The following SLC12A8 variants were observed in gnomAD, a reference collection of about 807,000 sequenced individuals.
SLC12A8 encodes cation-chloride cotransporter 9.
A neutral mutation model predicts 75.6 loss-of-function variants in SLC12A8; 69 were observed. The observed-to-expected ratio is 0.91, with a 90% CI of 0.75 to 1.11. The LOEUF is 1.11. Ranked by LOEUF, SLC12A8 falls within the 50% of genes most tolerant of loss-of-function variation. The pLI is 0.00. For missense variants in SLC12A8, 877 were observed against 896.7 expected (o/e 0.98, Z 0.28); for synonymous variants, 365 against 372.8 (o/e 0.98, Z 0.24).
chr3:125,110,106 AG>A, intron 9 of SLC12A8, 82 bp downstream of exon 9: 1 of 1,415,320 alleles, frequency 7.1e-7, no homozygotes, highest in Non-Finnish European at 9.7e-7. Context: ...TGATCAGAAA[AG>A]CTTAACCAAT....
In SLC12A8 at chr3:125,091,406, G is replaced by A. The variant is rs748153890; in HGVS notation, c.1921+33C>T. The stretch of plus-strand genomic sequence containing the variant: ...TCCCAATGAATGGTAGAGAGAATGA[G>A]GGAACCAGTGGCAAAATGGCTCTGC... On this transcript the variant is annotated intron_variant, in intron 12 of 13. Coordinates refer to ENST00000469902, the MANE Select transcript of SLC12A8 (RefSeq NM_024628.6). 5.7e-5 allele frequency: 80 copies of A among 1,408,292 alleles called. 1 individual carries two copies. In the East Asian group the frequency reaches 1.8e-3, roughly 31 times the overall value. The allele number at this position is 1,408,292 out of a possible 1,614,324, so 87.2% of individuals were successfully genotyped here.
chr3:125,105,786 T>C (rs370780074), intron 10 of SLC12A8, among the ~76,000 whole-genome samples: 212 of 152,178 alleles, frequency 1.4e-3, no homozygotes, highest in African/African-American at 4.5e-3. Flanking sequence ...TTTCAGCACT[T>C]TGGGAGGCTG....
At chr3:125,102,124 G>A (rs1407408021) in intron 10 of SLC12A8, among the ~76,000 whole-genome samples, 1 of 152,170 alleles carries the variant, frequency 6.6e-6, no homozygotes, top group East Asian at 1.9e-4. Context: ...TGAATCAAAT[G>A]TTATGGTTGC....
At chr3:125,170,954 G>A (rs1246352165) in intron 5 of SLC12A8, among the ~76,000 whole-genome samples, 6 of 152,066 alleles carry the variant, frequency 3.9e-5, no homozygotes, top group African/African-American at 1.4e-4. Context: ...AGACTGAGAA[G>A]CTATGTGCCG....
At chr3:125,201,277 G>A (rs1007503707) in intron 2 of SLC12A8, among the ~76,000 whole-genome samples, 1 of 151,754 alleles carries the variant, frequency 6.6e-6, no homozygotes, top group African/African-American at 2.4e-5. Context: ...GGTGGCATGT[G>A]CTGTGGTCCT....
chr3:125,151,849 T>A (rs1312454553), intron 5 of SLC12A8, among the ~76,000 whole-genome samples: 1 of 152,258 alleles, frequency 6.6e-6, no homozygotes, highest in African/African-American at 2.4e-5. Context: ...TTTTTCCACC[T>A]GAAAATTTGG....
intron 5 of SLC12A8, among the ~76,000 whole-genome samples, chr3:125,150,950 G>A (rs1169841445): frequency 6.6e-6 from 1 of 152,012 alleles, no homozygotes; most frequent in Non-Finnish European, 1.5e-5. Context: ...CCGGGCCTCA[G>A]GCTATTAGGA....
At chr3:125,134,883 G>T (rs1933450588) in intron 6 of SLC12A8, among the ~76,000 whole-genome samples, 1 of 152,216 alleles carries the variant, frequency 6.6e-6, no homozygotes, top group Admixed American at 6.5e-5. Flanking sequence ...ATATCCTCTG[G>T]CCATCAATAC....
intron 2 of SLC12A8, among the ~76,000 whole-genome samples, chr3:125,193,529 T>A (rs1934947852): frequency 6.6e-6 from 1 of 152,248 alleles, no homozygotes; most frequent in Non-Finnish European, 1.5e-5. Context: ...CCTTGCGTCG[T>A]GAGAGCTCTT....
chr3:125,106,982 CCT>C (rs1287737738), intron 10 of SLC12A8, among the ~76,000 whole-genome samples: 1 of 152,194 alleles, frequency 6.6e-6, no homozygotes, highest in East Asian at 1.9e-4. Context: ...GCTCTATAAG[CCT>C]CTCTGTGAGT....
intron 2 of SLC12A8, 66 bp from the exon 3 acceptor site, chr3:125,190,587 G>A (rs1336023314): frequency 6.4e-6 from 10 of 1,567,698 alleles, no homozygotes; most frequent in Non-Finnish European, 8.7e-6. Context: ...GCATGAGAGT[G>A]GAACAGGAGG....
intron 8 of SLC12A8, among the ~76,000 whole-genome samples, chr3:125,114,170 A>G (rs113272818): frequency 9.5e-4 from 145 of 152,240 alleles, no homozygotes; most frequent in African/African-American, 3.2e-3. Flanking sequence ...GCCATTTTCC[A>G]TAATGAGACC....
intron 6 of SLC12A8, among the ~76,000 whole-genome samples, chr3:125,134,820 G>A (rs1933448711): frequency 6.6e-6 from 1 of 152,160 alleles, no homozygotes; most frequent in Non-Finnish European, 1.5e-5. Context: ...TAAGGAAATG[G>A]CCATATGTAG....
chr3:125,183,510 G>A (rs752864910), intron 4 of SLC12A8, among the ~76,000 whole-genome samples: 5 of 152,020 alleles, frequency 3.3e-5, no homozygotes, highest in Non-Finnish European at 5.9e-5. Flanking sequence ...GAGGACCAGC[G>A]CTGCCCCTCA....
chr3:125,195,861 C>T lies in SLC12A8; in HGVS notation c.52-5340G>A, dbSNP rs115749714. 9.6e-3 allele frequency among the ~76,000 whole-genome samples: 1,458 copies of T among 152,322 alleles called. 12 individuals carry two copies. Among genetic ancestry groups the T allele is most frequent in the Non-Finnish European group, 0.013 (862 of 68,042 alleles). On this transcript the variant is annotated intron_variant, in intron 2 of 13. Transcript: ENST00000469902. ...CATGTCAAGGCCACCTAAACAAGGG[C>T]TTCCTCTGCCCTTCCCAACCTCCTT...
chr3:125,133,363 GCA>G (rs796125895), intron 6 of SLC12A8, among the ~76,000 whole-genome samples: 5 of 125,306 alleles, frequency 4.0e-5, no homozygotes, highest in African/African-American at 1.4e-4. Context: ...ACACACACAC[GCA>G]CACACACACA....
chr3:125,199,069 T>C (rs549310436), intron 2 of SLC12A8, among the ~76,000 whole-genome samples: 178 of 152,222 alleles, frequency 1.2e-3, no homozygotes, highest in East Asian at 7.9e-3. Context: ...TGAGCCACCA[T>C]GCCCGGCTGA....
intron 12 of SLC12A8, 42 bp downstream of exon 12, chr3:125,091,397 A>C (rs372145082): frequency 2.7e-5 from 35 of 1,293,332 alleles, no homozygotes; most frequent in Non-Finnish European, 3.8e-5. Flanking sequence ...TGAATGGTAG[A>C]GAGAATGAGG....
intron 4 of SLC12A8, among the ~76,000 whole-genome samples, chr3:125,182,398 A>C (rs1297809580): frequency 6.6e-6 from 1 of 152,226 alleles, no homozygotes; most frequent in Non-Finnish European, 1.5e-5. Flanking sequence ...ATACTATACG[A>C]TATTAAGTAA....
Sources: allele counts gnomAD v4.1 joint callset (sites outside exome capture counted in the v4.1 genomes callset), GRCh38; gene constraint gnomAD v4.1.1; transcripts MANE v1.5; gene names NCBI Gene and HGNC (gene_info 2026-07-23, HGNC 2026-07-21).